Variants in RAD23B observed in about 807,000 individuals in gnomAD.
RAD23B encodes RAD23 nucleotide excision repair protein B.
RAD23B carries 5 observed loss-of-function variants against 49.1 expected under a neutral mutation model. The ratio of observed to expected loss-of-function variants is 0.10; its 90% confidence interval spans 0.05 to 0.21. The LOEUF is 0.21. Among genes scored for constraint, RAD23B ranks in the 10% least tolerant of loss-of-function variants. RAD23B has a pLI of 1.00. For synonymous variants in RAD23B, 184 were observed against 165.4 expected (o/e 1.11, Z -0.86); for missense variants, 356 against 486.7 (o/e 0.73, Z 2.53).
chr9:107,332,049 T>G lies in RAD23B; in HGVS notation c.*2393T>G, dbSNP rs1416810023. 4 of 322,326 alleles carry G rather than the reference T, an allele frequency of 1.2e-5. No homozygotes were observed. The allele number at this position is 322,326 out of a possible 1,614,324, so 20.0% of individuals were successfully genotyped here. ...GTGGGAAATGTGAGGAAGCCTAAGT[T>G]TGTATTTGTAAATTTCTTATGCCAT... On this transcript the variant is annotated 3_prime_UTR_variant, in exon 10 of 10. Coordinates refer to ENST00000358015, the MANE Select transcript of RAD23B (RefSeq NM_002874.5).
At chr9:107,326,413 G>A (rs1286840318) in intron 9 of RAD23B, among the ~76,000 whole-genome samples, 9 of 149,736 alleles carry the variant, frequency 6.0e-5, no homozygotes, top group South Asian at 4.2e-4. Flanking sequence ...CCCGGGAGGC[G>A]GAGCTTGCAG....
At chr9:107,310,130 A>G (rs1226012894) in intron 4 of RAD23B, among the ~76,000 whole-genome samples, 3 of 152,174 alleles carry the variant, frequency 2.0e-5, no homozygotes, top group African/African-American at 4.8e-5. Context: ...ATATAAAGGT[A>G]CAGTTTCAGA....
intron 3 of RAD23B, among the ~76,000 whole-genome samples, chr9:107,302,424 C>T (rs991303388): frequency 6.6e-6 from 1 of 151,886 alleles, no homozygotes; most frequent in Non-Finnish European, 1.5e-5. Context: ...TTTAAAATGT[C>T]TTTATAAGTG....
At chr9:107,297,092 T>A (rs1420719491) in intron 1 of RAD23B, among the ~76,000 whole-genome samples, 2 of 152,040 alleles carry the variant, frequency 1.3e-5, no homozygotes, top group African/African-American at 4.8e-5. Context: ...AACCTTGTGA[T>A]CTGCCCGCCT....
At chr9:107,286,931 C>T (rs996495637) in intron 1 of RAD23B, among the ~76,000 whole-genome samples, 6 of 152,030 alleles carry the variant, frequency 3.9e-5, no homozygotes, top group African/African-American at 1.4e-4. Context: ...AAAAATTAGA[C>T]GGACGTGGTG....
rs1826637358 is a variant in RAD23B at position 107,300,892 on chromosome 9, GAC to G, written c.148+672_148+673del. On this transcript the variant is annotated intron_variant, in intron 2 of 9. Coordinates refer to ENST00000358015, the MANE Select transcript of RAD23B (RefSeq NM_002874.5). The stretch of plus-strand genomic sequence containing the variant: ...TTCTGAATAGTGTTTCCTAAAGTGA[GAC>G]AGCCTGGAGGAAATGCTAACCTGGT... Among the ~76,000 whole-genome samples the G allele has an allele frequency of 3.9e-5, 6 of 152,278 alleles. No homozygotes were observed. In the East Asian group the frequency reaches 1.2e-3, roughly 29 times the overall value.
rs1427920102 is a variant in RAD23B at position 107,324,898 on chromosome 9, G to C, written c.1010G>C (p.Gly337Ala). The stretch of plus-strand genomic sequence containing the variant: ...AATGAACCAGTTCAAGAAGCTGGTG[G>C]TCAAGGAGGAGGAGGTGGAGGTGGC... Reference protein sequence around the residue: ...MLNEPVQEAGGQGGGGGGGSG... With the variant: ...MLNEPVQEAGAQGGGGGGGSG... The change falls in exon 9 of 10, where the codon GGT becomes GCT. Residue 337 changes from glycine (G) to alanine (A), a missense_variant. Coordinates refer to ENST00000358015, the MANE Select transcript of RAD23B (RefSeq NM_002874.5). 3.7e-6 allele frequency: 6 copies of C among 1,613,654 alleles called. No individual in the cohort carries two copies. The highest frequency in any genetic ancestry group is 5.1e-6 in the Non-Finnish European group (6 of 1,179,944).
intron 8 of RAD23B, among the ~76,000 whole-genome samples, chr9:107,324,565 T>G (rs530771610): frequency 2.0e-4 from 31 of 152,250 alleles, no homozygotes; most frequent in Admixed American, 9.8e-4. Flanking sequence ...TTTTTTTGTT[T>G]GTTTTTTGTT....
At chr9:107,296,488 T>C (rs1331052534) in intron 1 of RAD23B, among the ~76,000 whole-genome samples, 1 of 152,232 alleles carries the variant, frequency 6.6e-6, no homozygotes, top group Non-Finnish European at 1.5e-5. Context: ...TGTGACTGTG[T>C]AATTGTGAAT....
At chr9:107,328,130 C>T (rs1827243860) in intron 9 of RAD23B, among the ~76,000 whole-genome samples, 1 of 152,186 alleles carries the variant, frequency 6.6e-6, no homozygotes, top group Non-Finnish European at 1.5e-5. Flanking sequence ...TTTACTTCAC[C>T]TATCCTAGCT....
intron 2 of RAD23B, among the ~76,000 whole-genome samples, chr9:107,301,114 GA>G (rs1481930965): frequency 3.6e-4 from 55 of 152,182 alleles, no homozygotes; most frequent in African/African-American, 1.2e-3. Context: ...AGAAACACTA[GA>G]GAGTCCTAGC....
At chr9:107,326,412 C>T (rs1480261255) in intron 9 of RAD23B, among the ~76,000 whole-genome samples, 23 of 143,104 alleles carry the variant, frequency 1.6e-4, no homozygotes, top group Non-Finnish European at 2.3e-4. Flanking sequence ...ACCCGGGAGG[C>T]GGAGCTTGCA....
At chr9:107,328,658 C>G (rs1410013521) in intron 9 of RAD23B, among the ~76,000 whole-genome samples, 8 of 152,184 alleles carry the variant, frequency 5.3e-5, no homozygotes, top group East Asian at 1.9e-4. Context: ...TGCTCACCTC[C>G]TCCCGTGCGG....
chr9:107,284,741 A>C, intron 1 of RAD23B: 1 of 1,121,240 alleles, frequency 8.9e-7, no homozygotes, highest in Non-Finnish European at 1.1e-6. Context: ...CTCTATTTTT[A>C]AAAGTAGTTG....
intron 1 of RAD23B, chr9:107,284,601 C>G (rs1384277160): frequency 2.6e-6 from 1 of 380,562 alleles, no homozygotes; most frequent in South Asian, 7.2e-5. Context: ...TAAAGAGACA[C>G]TGTTGAGGTC....
intron 3 of RAD23B, among the ~76,000 whole-genome samples, chr9:107,305,113 A>G (rs1826735631): frequency 6.6e-6 from 1 of 150,878 alleles, no homozygotes; most frequent in African/African-American, 2.4e-5. Context: ...ACATGGCGAA[A>G]CCTTGTCTCT....
At chr9:107,328,177 T>C (rs1361061168) in intron 9 of RAD23B, among the ~76,000 whole-genome samples, 1 of 152,250 alleles carries the variant, frequency 6.6e-6, no homozygotes, top group East Asian at 1.9e-4. Context: ...AACTGATTTT[T>C]TAGTTTCTTC....
Position 107,329,632 on chromosome 9 carries a change from A to G in RAD23B, c.1206A>G (p.Leu402=), listed in dbSNP as rs565741957. 16 of 1,612,396 alleles carry G rather than the reference A, an allele frequency of 9.9e-6. No individual in the cohort carries two copies. The Admixed American group carries it at 1.8e-4, about 18-fold the overall frequency. The change falls in exon 10 of 10, where the codon CTA becomes CTG. Residue 402 remains leucine, a synonymous_variant. Transcript: ENST00000358015. ...AGAATTTGGCTGCCAATTTTCTTCTACAGCAGAACTTTGATGAAGATTGAA... is the reference window on the plus strand; with the variant it reads ...AGAATTTGGCTGCCAATTTTCTTCTGCAGCAGAACTTTGATGAAGATTGAA... ...KNENLAANFL[L]QQNFDED
At chr9:107,326,707 C>T (rs1827213926) in intron 9 of RAD23B, among the ~76,000 whole-genome samples, 1 of 131,616 alleles carries the variant, frequency 7.6e-6, no homozygotes, top group Non-Finnish European at 1.6e-5. Flanking sequence ...GATCTCCGCT[C>T]ATTGCAAGCT....
Sources: allele counts gnomAD v4.1 joint callset (sites outside exome capture counted in the v4.1 genomes callset), GRCh38; gene constraint gnomAD v4.1.1; transcripts MANE v1.5; gene names NCBI Gene and HGNC (gene_info 2026-07-23, HGNC 2026-07-21).